Variants in USP34 observed in about 807,000 individuals in gnomAD.
The protein encoded by USP34 is ubiquitin carboxyl-terminal hydrolase 34.
Under a neutral mutation model 460.3 loss-of-function variants are expected in USP34, and 70 were observed. That is an observed-to-expected ratio of 0.15 (90% CI 0.13 to 0.19). The LOEUF (loss-of-function observed/expected upper bound fraction) is 0.19, where lower values mean the gene tolerates loss of function less well. Ranked by LOEUF, USP34 falls within the 10% of genes least tolerant of loss-of-function variation. The probability of loss-of-function intolerance (pLI) is 1.00; values close to 1 mark genes in which losing one functional copy is unlikely to be tolerated. For synonymous variants in USP34, 1,647 were observed against 1,405.3 expected (o/e 1.17, Z -3.85); for missense variants, 3,985 against 4,236.2 (o/e 0.94, Z 1.65).
chr2:61,463,956 G>A (rs973715687), intron 1 of USP34, among the ~76,000 whole-genome samples: 7 of 152,100 alleles, frequency 4.6e-5, no homozygotes, highest in African/African-American at 7.2e-5. Context: ...ATCTGAAAAG[G>A]ATGACAGAGT....
intron 51 of USP34, among the ~76,000 whole-genome samples, chr2:61,244,932 T>C (rs1197951691): frequency 1.3e-5 from 2 of 152,170 alleles, no homozygotes; most frequent in Non-Finnish European, 2.9e-5. Flanking sequence ...AGTAAACAAT[T>C]TACTCAATCT....
chr2:61,257,895 CA>C (rs533259143), intron 44 of USP34, among the ~76,000 whole-genome samples: 8 of 151,686 alleles, frequency 5.3e-5, no homozygotes, highest in Non-Finnish European at 1.2e-4. Flanking sequence ...ACAAAACAAA[CA>C]AAAAAAACAC....
At chr2:61,399,642 G>A (rs1693649720) in intron 3 of USP34, among the ~76,000 whole-genome samples, 1 of 151,984 alleles carries the variant, frequency 6.6e-6, no homozygotes, top group Non-Finnish European at 1.5e-5. Flanking sequence ...GGAGGCTGAG[G>A]CAGACGGATC....
chr2:61,384,457 G>T (rs1207603344), intron 5 of USP34, among the ~76,000 whole-genome samples: 1 of 151,852 alleles, frequency 6.6e-6, no homozygotes, highest in Non-Finnish European at 1.5e-5. Context: ...ATCACTTGAG[G>T]TCAGGAGTTC....
At chr2:61,249,479 A>G (rs1688514159) in intron 48 of USP34, among the ~76,000 whole-genome samples, 1 of 152,250 alleles carries the variant, frequency 6.6e-6, no homozygotes. Context: ...TTTTCTATGT[A>G]ATATTTTCAG....
At chr2:61,294,896 A>G in intron 32 of USP34, 53 bp downstream of exon 32, 1 of 1,453,942 alleles carries the variant, frequency 6.9e-7, no homozygotes, top group Non-Finnish European at 9.5e-7. Flanking sequence ...ACTTTTGAAA[A>G]ACTGAAGATA....
At chr2:61,229,485 A>AAC in intron 59 of USP34, 63 bp downstream of exon 59, 3 of 805,696 alleles carry the variant, frequency 3.7e-6, no homozygotes, top group Admixed American at 4.3e-5. Flanking sequence ...ACAAAAAAAA[A>AAC]AAACAAAAAC....
intron 69 of USP34, among the ~76,000 whole-genome samples, chr2:61,210,479 C>A (rs1387653843): frequency 1.3e-5 from 2 of 152,180 alleles, no homozygotes; most frequent in African/African-American, 4.8e-5. Flanking sequence ...GCGCTACTAT[C>A]TAGTTGTGTG....
At chr2:61,244,173 T>C (rs1160910244) in intron 51 of USP34, among the ~76,000 whole-genome samples, 2 of 152,206 alleles carry the variant, frequency 1.3e-5, no homozygotes, top group East Asian at 3.8e-4. Context: ...CAACTTTATT[T>C]GGGCTAATCT....
At chr2:61,285,318 T>C (rs546758687) in intron 34 of USP34, among the ~76,000 whole-genome samples, 1 of 151,786 alleles carries the variant, frequency 6.6e-6, no homozygotes, top group Non-Finnish European at 1.5e-5. Flanking sequence ...TAAAACTCTG[T>C]TTCCACTAAA....
intron 1 of USP34, among the ~76,000 whole-genome samples, chr2:61,462,130 C>T (rs1015422690): frequency 6.6e-6 from 1 of 151,250 alleles, no homozygotes; most frequent in African/African-American, 2.4e-5. Flanking sequence ...TCACAGCTAC[C>T]CAGGAGGTTG....
intron 21 of USP34, among the ~76,000 whole-genome samples, chr2:61,320,369 G>C (rs942955458): frequency 2.6e-5 from 4 of 152,106 alleles, no homozygotes; most frequent in Non-Finnish European, 4.4e-5. Flanking sequence ...GGATCATTTA[G>C]ACATGCCAAT....
At chr2:61,349,592 G>A (rs541399845) in intron 12 of USP34, among the ~76,000 whole-genome samples, 9 of 152,084 alleles carry the variant, frequency 5.9e-5, no homozygotes, top group Non-Finnish European at 1.2e-4. Context: ...TGTAACCCCA[G>A]CATTTTAGGA....
chr2:61,256,798 G>C (rs1688734925), intron 47 of USP34, 75 bp downstream of exon 47: 1 of 1,125,010 alleles, frequency 8.9e-7, no homozygotes, highest in East Asian at 2.6e-5. Context: ...AAAATATCAA[G>C]ATGACCAACA....
chr2:61,469,691 A>T (rs1257489446), intron 1 of USP34, among the ~76,000 whole-genome samples: 1 of 152,248 alleles, frequency 6.6e-6, no homozygotes, highest in Admixed American at 6.5e-5. Flanking sequence ...CAGAATACAA[A>T]TCCAAAACCC....
intron 43 of USP34, among the ~76,000 whole-genome samples, chr2:61,260,997 C>T (rs1688861658): frequency 1.3e-5 from 2 of 152,122 alleles, no homozygotes; most frequent in African/African-American, 4.8e-5. Flanking sequence ...ATTAGGATGG[C>T]TATTATTAAA....
At chr2:61,303,055 G>T (rs768888415) in intron 27 of USP34, among the ~76,000 whole-genome samples, 1 of 151,922 alleles carries the variant, frequency 6.6e-6, no homozygotes, top group Non-Finnish European at 1.5e-5. Flanking sequence ...ATTTTACAAA[G>T]ACCTCATATT....
At chr2:61,387,618 ATAT>A (rs1693193772) in intron 5 of USP34, among the ~76,000 whole-genome samples, 1 of 147,470 alleles carries the variant, frequency 6.8e-6, no homozygotes. Context: ...TATAAAATAT[ATAT>A]TTTTACATAT....
chr2:61,228,347 A>G (rs945552616), intron 61 of USP34, among the ~76,000 whole-genome samples: 4 of 152,208 alleles, frequency 2.6e-5, no homozygotes, highest in African/African-American at 7.2e-5. Context: ...GACCAGCAAA[A>G]TGTTCACAAA....
Sources: gnomAD v4.1 joint callset for allele counts (sites outside exome capture counted in the v4.1 genomes callset) on GRCh38, gnomAD v4.1.1 for gene constraint, MANE v1.5 for transcripts, NCBI Gene and HGNC (gene_info 2026-07-23, HGNC 2026-07-21) for gene names.